MOV10: variants seen among roughly 807,000 people sequenced by gnomAD.
MOV10 encodes the protein Mov10 RNA helicase, also known as RNA helicase MOV-10.
MOV10 carries 39 observed loss-of-function variants against 108.4 expected under a neutral mutation model. The ratio of observed to expected loss-of-function variants is 0.36; its 90% CI spans 0.28 to 0.47. The LOEUF (loss-of-function observed/expected upper bound fraction) is 0.47. Among genes scored for constraint, MOV10 ranks in the 20% least tolerant of loss-of-function variants. MOV10 has a pLI of 1.00. For synonymous variants in MOV10, 490 were observed against 523.1 expected, an observed-to-expected ratio of 0.94 and a Z score of 0.86; for missense variants, 952 against 1,297.6, an observed-to-expected ratio of 0.73 and a Z score of 4.09.
At chr1:112,684,155 T>C (rs1672879830) in intron 2 of MOV10, among the ~76,000 whole-genome samples, 1 of 150,706 alleles carries the variant, frequency 6.6e-6, no homozygotes, top group Admixed American at 6.6e-5. Context: ...AGGGACCTGC[T>C]ATGTTTCTTA....
At chr1:112,683,897 G>C (rs1222151595) in intron 2 of MOV10, among the ~76,000 whole-genome samples, 1 of 152,052 alleles carries the variant, frequency 6.6e-6, no homozygotes, top group African/African-American at 2.4e-5. Context: ...CACATTCCAG[G>C]AACAGTGTTA....
intron 6 of MOV10, 25 bp downstream of exon 6, chr1:112,691,824 G>T (rs759380642): frequency 6.2e-7 from 1 of 1,600,948 alleles, no homozygotes; most frequent in Non-Finnish European, 8.5e-7. Flanking sequence ...TCTGCACCCC[G>T]CACTCTCCCG....
chr1:112,697,012 CTTG>C (rs1325268851), intron 14 of MOV10, among the ~76,000 whole-genome samples, 166 bp downstream of exon 14: 2 of 152,166 alleles, frequency 1.3e-5, no homozygotes, highest in Non-Finnish European at 2.9e-5. Context: ...AGCACTGCTG[CTTG>C]TTGTCTGCGT....
At position 112,699,715 on chromosome 1, in the gene MOV10, G is replaced by C; in HGVS notation, c.2614G>C (p.Glu872Gln). Residue 872 changes from glutamate (E) to glutamine (Q), a missense_variant, in exon 18 of 21, where the codon GAA becomes CAA. Physicochemically the swap from Glu to Gln is conservative, Grantham distance 29. Transcript: ENST00000369645. Reference protein sequence around the residue: ...VGSVEEFQGQERSVILISTVR... With the variant: ...VGSVEEFQGQQRSVILISTVR... ...TTCAGTAGAAGAATTCCAAGGCCAAGAACGAAGCGTCATCCTCATCTCCAC... is the reference window on the plus strand; with the variant it reads ...TTCAGTAGAAGAATTCCAAGGCCAACAACGAAGCGTCATCCTCATCTCCAC... 1 of 1,614,212 alleles carries C rather than the reference G, an allele frequency of 6.2e-7. No homozygotes were observed. The highest frequency in any genetic ancestry group is 8.5e-7 in the Non-Finnish European group (1 of 1,180,030).
At position 112,694,874 on chromosome 1, in the gene MOV10, C is replaced by T. The variant is rs780523864; in HGVS notation, c.1598C>T (p.Thr533Met). ...CCTCCAGGCACCGGCAAGACTGTCA[C>T]GTTAGTGGAGGCAATTAAGCAGGTG... ...FGPPGTGKTV[T>M]LVEAIKQVVK... Residue 533 changes from threonine to methionine, a missense_variant, in exon 10 of 21, where the codon ACG (threonine) becomes ATG (methionine). Around this residue, in one of 5 missense-constraint regions of MOV10, gnomAD observed 453 missense variants for 611.5 expected, o/e 0.74. Coordinates refer to ENST00000369645, the MANE Select transcript of MOV10 (RefSeq NM_001321324.2). This position sits in a 1 kb window ranked among gnomAD's most constrained non-coding sequence, Gnocchi z 4.1. The T allele has an allele frequency of 1.5e-5, 24 of 1,614,006 alleles. No individual in the cohort carries two copies. In the South Asian group the frequency reaches 2.1e-4, roughly 14 times the overall value.
intron 5 of MOV10, 75 bp downstream of exon 5, chr1:112,690,173 C>T (rs1673457247): frequency 6.5e-7 from 1 of 1,539,314 alleles, no homozygotes; most frequent in Non-Finnish European, 8.8e-7. Context: ...GGGAAGAGCA[C>T]AGAGCTGGGA....
At position 112,691,696 on chromosome 1, in the gene MOV10, G is replaced by A. The variant is rs369709845; in HGVS notation, c.868G>A (p.Ala290Thr). 3 of 1,614,082 alleles carry A rather than the reference G, an allele frequency of 1.9e-6. No homozygotes were observed. The African/African-American group carries it at 4.0e-5, about 22-fold the overall frequency. The change falls in exon 6 of 21, where the codon GCG becomes ACG. Residue 290 changes from alanine (A) to threonine (T), a missense_variant. Physicochemically the swap from Ala to Thr is moderately conservative, Grantham distance 58. This residue lies in a region of MOV10 where 374 missense variants were observed against 468.6 expected (regional missense o/e 0.80). Transcript: ENST00000369645. ...AKGYDLELSMALGTYYPPPRL... is the reference protein window; with the variant it reads ...AKGYDLELSMTLGTYYPPPRL... ...GGGCTATGACCTGGAGTTAAGTATG[G>A]CGCTGGGGACATACTACCCACCTCC...
At chr1:112,686,752 G>A (rs1348659378) in intron 2 of MOV10, among the ~76,000 whole-genome samples, 1 of 152,158 alleles carries the variant, frequency 6.6e-6, no homozygotes, top group Non-Finnish European at 1.5e-5. Context: ...CTAGAAGCCA[G>A]GCCATTGATT....
At chr1:112,687,238 T>A (rs1427611809) in intron 2 of MOV10, 1 of 328,154 alleles carries the variant, frequency 3.0e-6, no homozygotes, top group East Asian at 8.7e-5. Flanking sequence ...ATTACCTTTT[T>A]AAAACAAATC....
chr1:112,688,470 A>G (rs1184479257), intron 2 of MOV10: 17 of 1,045,940 alleles, frequency 1.6e-5, no homozygotes, highest in African/African-American at 1.7e-5. Context: ...ACTGTCTCTG[A>G]TCCCTTCTCT....
At chr1:112,700,076 A>G in intron 19 of MOV10, 94 bp downstream of exon 19, 1 of 1,586,198 alleles carries the variant, frequency 6.3e-7, no homozygotes, top group Non-Finnish European at 8.6e-7. Flanking sequence ...CGCTCAGTTA[A>G]TCCTCAGATG....
chr1:112,695,020 G>C, intron 10 of MOV10, 124 bp downstream of exon 10: 1 of 1,237,006 alleles, frequency 8.1e-7, no homozygotes, highest in Non-Finnish European at 1.1e-6. Flanking sequence ...ATCAGAAAGA[G>C]AGGTAGGGGC....
Position 112,694,431 on chromosome 1 carries a change from T to C in MOV10, c.1296-22T>C. 6.2e-7 allele frequency: 1 copy of C among 1,613,612 alleles called. No homozygotes were observed. The highest frequency in any genetic ancestry group is 8.5e-7 in the Non-Finnish European group (1 of 1,179,970). On this transcript the variant is annotated intron_variant, in intron 8 of 20. Coordinates refer to ENST00000369645, the MANE Select transcript of MOV10 (RefSeq NM_001321324.2). This position sits in a 1 kb window ranked among gnomAD's most constrained non-coding sequence, Gnocchi z 4.1. ...CACCTCCCCTGCCCCAACAAACTCT[T>C]ACCACCTCTCTCTGCCCAAAGCCTC...
At chr1:112,696,119 G>C in intron 11 of MOV10, 29 bp from the exon 12 acceptor site, 10 of 1,499,738 alleles carry the variant, frequency 6.7e-6, no homozygotes, top group Non-Finnish European at 8.3e-6. Flanking sequence ...GAGCCAAGCT[G>C]ATTCCTCTGG....
Position 112,700,246 on chromosome 1 carries a change from A to G in MOV10, c.2826A>G (p.Gly942=). ...TCCTGGAGTTCTGTAAAGAAAACGGAGGGTATACCGGGTGTCCCTTCCCTG... is the reference window on the plus strand; with the variant it reads ...TCCTGGAGTTCTGTAAAGAAAACGGGGGGTATACCGGGTGTCCCTTCCCTG... The part of the protein sequence containing the change: ...KVFLEFCKEN[G]GYTGCPFPAK... Residue 942 remains glycine (G), a synonymous_variant, in exon 20 of 21, where the codon GGA becomes GGG. Coordinates refer to ENST00000369645, the MANE Select transcript of MOV10 (RefSeq NM_001321324.2). 6.2e-7 allele frequency: 1 copy of G among 1,614,104 alleles called. No individual in the cohort carries two copies. Among genetic ancestry groups the G allele is most frequent in the Non-Finnish European group, 8.5e-7 (1 of 1,179,976 alleles).
At chr1:112,698,963 C>G (rs1674369327) in intron 17 of MOV10, 174 bp downstream of exon 17, 1 of 637,284 alleles carries the variant, frequency 1.6e-6, no homozygotes, top group African/African-American at 1.8e-5. Context: ...ACTTAAGGGT[C>G]TGGGATGGGA....
intron 6 of MOV10, 77 bp downstream of exon 6, chr1:112,691,876 G>A (rs879128823): frequency 1.1e-4 from 167 of 1,494,478 alleles, no homozygotes; most frequent in South Asian, 5.0e-4. Flanking sequence ...TGGCACCTCC[G>A]TCCTCAGCCT....
Position 112,700,591 on chromosome 1 carries a change from C to A in MOV10, c.*84C>A, listed in dbSNP as rs767448703. The A allele has an allele frequency of 3.8e-6, 6 of 1,573,860 alleles. No homozygotes were observed. The South Asian group carries it at 6.9e-5, about 18-fold the overall frequency. On this transcript the variant is annotated 3_prime_UTR_variant, in exon 21 of 21. Coordinates refer to ENST00000369645, the MANE Select transcript of MOV10 (RefSeq NM_001321324.2). ...ACCAGAACCCAGCTGAACTGCCCCT[C>A]CAAGGGACAGGAAGGCTGGGGGAGG...
Position 112,694,265 on chromosome 1 carries a change from C to T in MOV10, c.1295+93C>T. On this transcript the variant is annotated intron_variant, in intron 8 of 20. Coordinates refer to ENST00000369645, the MANE Select transcript of MOV10 (RefSeq NM_001321324.2). The surrounding 1 kb of genome is among the most constrained non-coding windows in gnomAD (Gnocchi z 4.1). Reference sequence around the variant, plus strand: ...TGTTTCTCCCTGAGATAAATGAGACCCCGGGGCAGAGCAGGAGACTTTTCC... The same window carrying T: ...TGTTTCTCCCTGAGATAAATGAGACTCCGGGGCAGAGCAGGAGACTTTTCC... 1 of 1,524,078 alleles carries T rather than the reference C, an allele frequency of 6.6e-7. No homozygotes were observed. The highest frequency in any genetic ancestry group is 1.7e-5 in the Admixed American group (1 of 57,790). 94.4% of individuals were successfully genotyped at this position (1,524,078 alleles called of 1,614,324 possible).
Sources: gnomAD v4.1 joint callset for allele counts (sites outside exome capture counted in the v4.1 genomes callset) on GRCh38, gnomAD v4.1.1 for gene constraint, gnomAD v4.1.1 regional missense constraint, Gnocchi (gnomAD v3.1) non-coding constraint, MANE v1.5 for transcripts, NCBI Gene and HGNC (gene_info 2026-07-23, HGNC 2026-07-21) for gene names.